Variants in CPXM2 observed in about 807,000 individuals in gnomAD.
The protein encoded by CPXM2 is inactive carboxypeptidase-like protein X2.
Under a neutral mutation model 86.1 loss-of-function variants are expected in CPXM2, and 66 were observed. The observed-to-expected ratio is 0.77, with a 90% CI of 0.63 to 0.94. The LOEUF (loss-of-function observed/expected upper bound fraction) is 0.94, where lower values mean the gene tolerates loss of function less well. Ranked by LOEUF, CPXM2 falls within the 40% of genes least tolerant of loss-of-function variation. The pLI, the probability that CPXM2 is intolerant of heterozygous loss-of-function variation, is 0.00. For synonymous variants in CPXM2, 388 were observed against 400.2 expected, an observed-to-expected ratio of 0.97 and a Z score of 0.36; for missense variants, 948 against 1,026.3, an observed-to-expected ratio of 0.92 and a Z score of 1.04.
chr10:123,809,257 T>G (rs1308763955), intron 4 of CPXM2, among the ~76,000 whole-genome samples: 1 of 152,146 alleles, frequency 6.6e-6, no homozygotes, highest in Admixed American at 6.6e-5. Context: ...AGAGAAGCCA[T>G]AAAGTGTTTC....
chr10:123,913,999 A>G (rs1028800338), intron 2 of CPXM2: 3 of 491,478 alleles, frequency 6.1e-6, no homozygotes, highest in African/African-American at 5.8e-5. Flanking sequence ...TGCCAACCGC[A>G]TTCCCTCCCC....
intron 2 of CPXM2, among the ~76,000 whole-genome samples, chr10:123,898,434 C>A (rs973939391): frequency 2.0e-5 from 3 of 152,032 alleles, no homozygotes; most frequent in Admixed American, 2.0e-4. Context: ...CACTGAACTC[C>A]AGCCTGAGCA....
chr10:123,875,286 G>A lies in CPXM2; in HGVS notation c.403+4925C>T, dbSNP rs180824939. ...GGTGCAGAAAGTGGAAAATAGCAAG[G>A]AGTAGGGGCACCTTTGGTTTCCCAG... On this transcript the variant is annotated intron_variant, in intron 2 of 13. Transcript: ENST00000241305. Among the ~76,000 whole-genome samples, 969 of 152,312 alleles carry A rather than the reference G, an allele frequency of 6.4e-3. 9 individuals are homozygous for A. The highest frequency in any genetic ancestry group is 0.022 in the African/African-American group (900 of 41,562).
chr10:123,920,929 T>G (rs1945574278), intron 2 of CPXM2, among the ~76,000 whole-genome samples: 1 of 152,228 alleles, frequency 6.6e-6, no homozygotes, highest in Non-Finnish European at 1.5e-5. Context: ...CTTCACAAGA[T>G]GCTGGTGCCC....
chr10:123,759,551 T>C (rs146061236), intron 11 of CPXM2, among the ~76,000 whole-genome samples: 50 of 152,248 alleles, frequency 3.3e-4, no homozygotes, highest in Non-Finnish European at 6.2e-4. Context: ...AGAGAAGGGC[T>C]TCAAAAGCAA....
chr10:123,797,099 T>A (rs1217438062), intron 6 of CPXM2, among the ~76,000 whole-genome samples: 2 of 152,210 alleles, frequency 1.3e-5, no homozygotes, highest in Non-Finnish European at 2.9e-5. Context: ...GTGGCACATG[T>A]GAATTCAAAC....
chr10:123,939,814 C>T (rs952308212), intron 1 of CPXM2, among the ~76,000 whole-genome samples: 5 of 152,188 alleles, frequency 3.3e-5, no homozygotes, highest in African/African-American at 4.8e-5. Flanking sequence ...GGGCGCACCC[C>T]AGATGTGCCT....
chr10:123,919,079 C>T (rs371862474), intron 2 of CPXM2, among the ~76,000 whole-genome samples: 12 of 146,862 alleles, frequency 8.2e-5, no homozygotes, highest in African/African-American at 2.2e-4. Context: ...GAGCTGTGCA[C>T]GTATGGAACT....
At chr10:123,884,788 T>C (rs1564812558) in intron 1 of CPXM2, among the ~76,000 whole-genome samples, 1 of 152,200 alleles carries the variant, frequency 6.6e-6, no homozygotes, top group Non-Finnish European at 1.5e-5. Flanking sequence ...GATACCTGCC[T>C]GGTCAGTCCC....
chr10:123,872,201 T>C (rs1231494300), intron 2 of CPXM2, among the ~76,000 whole-genome samples: 1 of 152,148 alleles, frequency 6.6e-6, no homozygotes, highest in Non-Finnish European at 1.5e-5. Context: ...CAAAAAAAAT[T>C]CATATATACA....
chr10:123,824,259 C>T (rs1284301768), intron 4 of CPXM2, among the ~76,000 whole-genome samples: 1 of 152,188 alleles, frequency 6.6e-6, no homozygotes, highest in Non-Finnish European at 1.5e-5. Context: ...CAATTGACCA[C>T]TCTGCTGGCT....
At chr10:123,809,318 G>A (rs1415705702) in intron 4 of CPXM2, among the ~76,000 whole-genome samples, 1 of 152,114 alleles carries the variant, frequency 6.6e-6, no homozygotes, top group East Asian at 1.9e-4. Context: ...AGAAAAAATA[G>A]GGTATGCTAA....
At position 123,798,239 on chromosome 10, in the gene CPXM2, C is replaced by T. The variant is rs539285006; in HGVS notation, c.739-113G>A. On this transcript the variant is annotated intron_variant, in intron 5 of 13. Coordinates refer to ENST00000241305, the MANE Select transcript of CPXM2 (RefSeq NM_198148.3). ...TTTATTGAGGAAAACCTAATGTGTG[C>T]TGTGCATTGAAAAGAAAAAAAAAAA... 3.5e-4 allele frequency: 255 copies of T among 736,862 alleles called. 2 individuals are homozygous for T. The Middle Eastern group carries it at 3.6e-3, about 10-fold the overall frequency. The allele number at this position is 736,862 out of a possible 1,614,324, so 45.6% of individuals were successfully genotyped here.
intron 2 of CPXM2, among the ~76,000 whole-genome samples, chr10:123,920,792 TG>T (rs1285504170): frequency 6.6e-6 from 1 of 151,626 alleles, no homozygotes; most frequent in Non-Finnish European, 1.5e-5. Flanking sequence ...ATCTCAGGAG[TG>T]GGTTAGTTAT....
intron 3 of CPXM2, among the ~76,000 whole-genome samples, chr10:123,843,666 T>C (rs1385633364): frequency 6.6e-6 from 1 of 152,148 alleles, no homozygotes; most frequent in Non-Finnish European, 1.5e-5. Context: ...GCCTTACTTT[T>C]AATTGGCAAT....
intron 11 of CPXM2, among the ~76,000 whole-genome samples, chr10:123,758,878 A>G (rs980926295): frequency 6.6e-6 from 1 of 152,178 alleles, no homozygotes; most frequent in African/African-American, 2.4e-5. Flanking sequence ...TTAGTGCACC[A>G]GAAGGAACCC....
At chr10:123,792,649 A>G (rs1847231234) in intron 6 of CPXM2, among the ~76,000 whole-genome samples, 1 of 152,214 alleles carries the variant, frequency 6.6e-6, no homozygotes, top group South Asian at 2.1e-4. Context: ...TAGACTGAGG[A>G]GGAAGGCAGT....
At chr10:123,750,825 C>G in intron 13 of CPXM2, 1 of 985,444 alleles carries the variant, frequency 1.0e-6, no homozygotes, top group Non-Finnish European at 1.2e-6. Flanking sequence ...CTGATGCCCT[C>G]ATTGGCCTGG....
In CPXM2 at chr10:123,866,849, A is replaced by G. The variant is rs35019835; in HGVS notation, c.404-4126T>C. ...GTATCAGTCAGGCACACAGCAGTAAAGTCAGCTTCACTTGGAAAGTTCTTA... is the reference window on the plus strand; with the variant it reads ...GTATCAGTCAGGCACACAGCAGTAAGGTCAGCTTCACTTGGAAAGTTCTTA... On this transcript the variant is annotated intron_variant, in intron 2 of 13. Coordinates refer to ENST00000241305, the MANE Select transcript of CPXM2 (RefSeq NM_198148.3). Among the ~76,000 whole-genome samples, 5 of 152,292 alleles carry G rather than the reference A, an allele frequency of 3.3e-5. No homozygotes were observed. In the East Asian group the frequency reaches 9.6e-4, roughly 29 times the overall value.
Sources: allele counts gnomAD v4.1 joint callset (sites outside exome capture counted in the v4.1 genomes callset), GRCh38; gene constraint gnomAD v4.1.1; transcripts MANE v1.5; gene names NCBI Gene and HGNC (gene_info 2026-07-23, HGNC 2026-07-21).